Variants in ATRNL1 observed in about 807,000 individuals in gnomAD.
ATRNL1 encodes attractin like 1.
ATRNL1 carries 95 observed loss-of-function variants against 182.7 expected under a neutral mutation model. The ratio of observed to expected loss-of-function variants is 0.52; its 90% CI spans 0.44 to 0.62. The LOEUF is 0.62. Ranked by LOEUF, ATRNL1 falls within the 20% of genes least tolerant of loss-of-function variation. ATRNL1 has a pLI of 0.00. For synonymous variants in ATRNL1, 576 were observed against 568.3 expected (o/e 1.01, Z -0.19); for missense variants, 1,471 against 1,679.5 (o/e 0.88, Z 2.17).
chr10:115,799,228 C>T (rs961968534), intron 27 of ATRNL1, among the ~76,000 whole-genome samples: 5 of 152,100 alleles, frequency 3.3e-5, no homozygotes, highest in Middle Eastern at 3.2e-3. Context: ...TTGAATTTAA[C>T]GTTATTAATG....
intron 5 of ATRNL1, among the ~76,000 whole-genome samples, chr10:115,141,726 C>T (rs1554878122): frequency 1.3e-5 from 2 of 152,058 alleles, no homozygotes; most frequent in Non-Finnish European, 2.9e-5. Context: ...TGAACACGGT[C>T]AATCTATTTC....
At chr10:115,678,122 A>G (rs140855658) in intron 26 of ATRNL1, among the ~76,000 whole-genome samples, 45 of 152,286 alleles carry the variant, frequency 3.0e-4, no homozygotes, top group Admixed American at 2.8e-3. Flanking sequence ...GCTGATTTAT[A>G]TAACAGTAAA....
intron 13 of ATRNL1, among the ~76,000 whole-genome samples, chr10:115,271,458 G>A (rs912736862): frequency 2.7e-5 from 4 of 149,106 alleles, no homozygotes; most frequent in South Asian, 4.4e-4. Context: ...GACAGGCCCC[G>A]GCAATTCCTC....
intron 26 of ATRNL1, among the ~76,000 whole-genome samples, chr10:115,662,639 T>C (rs1860765772): frequency 6.6e-6 from 1 of 152,196 alleles, no homozygotes; most frequent in Admixed American, 6.6e-5. Flanking sequence ...CAATAACATC[T>C]GATTTATGAA....
chr10:115,192,677 G>A (rs1457152426), intron 8 of ATRNL1, among the ~76,000 whole-genome samples: 1 of 150,786 alleles, frequency 6.6e-6, no homozygotes, highest in African/African-American at 2.5e-5. Context: ...AGAACCTTTG[G>A]GTAGTTTGGA....
chr10:115,418,318 G>A (rs1165005948), intron 20 of ATRNL1, among the ~76,000 whole-genome samples: 7 of 152,080 alleles, frequency 4.6e-5, no homozygotes, highest in Non-Finnish European at 1.0e-4. Flanking sequence ...AAATAAAAAT[G>A]GAATAGAGAG....
intron 20 of ATRNL1, among the ~76,000 whole-genome samples, chr10:115,416,280 C>T (rs557309247): frequency 1.3e-5 from 2 of 152,114 alleles, no homozygotes; most frequent in South Asian, 2.1e-4. Flanking sequence ...GTATTTATTT[C>T]ATTAGCTTTT....
intron 26 of ATRNL1, among the ~76,000 whole-genome samples, chr10:115,640,617 T>C (rs1859177982): frequency 6.6e-6 from 1 of 152,200 alleles, no homozygotes; most frequent in Admixed American, 6.5e-5. Flanking sequence ...CACTTTTTGA[T>C]GGGGTTGTAT....
At chr10:115,642,138 G>A (rs1034128164) in intron 26 of ATRNL1, among the ~76,000 whole-genome samples, 2 of 152,014 alleles carry the variant, frequency 1.3e-5, no homozygotes, top group Non-Finnish European at 2.9e-5. Context: ...CAGACTCAAT[G>A]GTGTTAGCAA....
At chr10:115,696,996 C>G (rs1555050065) in intron 26 of ATRNL1, among the ~76,000 whole-genome samples, 1 of 151,940 alleles carries the variant, frequency 6.6e-6, no homozygotes, top group Non-Finnish European at 1.5e-5. Context: ...AAATCCACCC[C>G]CATGATCCAA....
chr10:115,302,334 A>C (rs930802753), intron 17 of ATRNL1, among the ~76,000 whole-genome samples: 4 of 152,174 alleles, frequency 2.6e-5, no homozygotes, highest in African/African-American at 7.2e-5. Context: ...GAGAGTGTTC[A>C]CCTCAAACAT....
At chr10:115,541,427 A>G (rs1366705890) in intron 25 of ATRNL1, among the ~76,000 whole-genome samples, 1 of 152,214 alleles carries the variant, frequency 6.6e-6, no homozygotes, top group African/African-American at 2.4e-5. Context: ...GAGAGGATGC[A>G]GAACTATTCA....
At chr10:115,118,749 A>G (rs2143605238) in intron 1 of ATRNL1, among the ~76,000 whole-genome samples, 1 of 152,270 alleles carries the variant, frequency 6.6e-6, no homozygotes. Context: ...GAACAAAAGC[A>G]TCTCTGAATG....
chr10:115,604,550 C>T (rs1856775884), intron 26 of ATRNL1, among the ~76,000 whole-genome samples: 1 of 152,104 alleles, frequency 6.6e-6, no homozygotes, highest in South Asian at 2.1e-4. Flanking sequence ...ATATTTAGAG[C>T]TCTTTTTCAG....
At chr10:115,367,741 A>G (rs1405959948) in intron 19 of ATRNL1, among the ~76,000 whole-genome samples, 5 of 123,768 alleles carry the variant, frequency 4.0e-5, no homozygotes, top group African/African-American at 1.3e-4. Flanking sequence ...TCTAACAGAC[A>G]GGACCCTCAG....
chr10:115,326,190 G>T (rs1421572078), intron 18 of ATRNL1, among the ~76,000 whole-genome samples: 4 of 152,108 alleles, frequency 2.6e-5, no homozygotes, highest in African/African-American at 9.7e-5. Context: ...AAACCCTATT[G>T]TCTCAGCCCA....
At chr10:115,828,087 G>A (rs1274225309) in intron 27 of ATRNL1, among the ~76,000 whole-genome samples, 1 of 152,184 alleles carries the variant, frequency 6.6e-6, no homozygotes, top group South Asian at 2.1e-4. Context: ...GGAGACCGAG[G>A]TGGGCGGATC....
In ATRNL1 at chr10:115,519,302, C is replaced by T. The variant is rs183433184; in HGVS notation, c.3694C>T (p.Gln1232Ter). The T allele has an allele frequency of 6.2e-7, 1 of 1,610,470 alleles. No homozygotes were observed. The highest frequency in any genetic ancestry group is 1.3e-5 in the African/African-American group (1 of 74,792). The change falls in exon 25 of 29, where the codon CAG (glutamine) becomes TAG (stop). Residue 1232 changes from glutamine to a stop codon, truncating the protein, a stop_gained. Transcript: ENST00000355044. LOFTEE classifies it high-confidence loss of function. ...ACACAATACAATCATGGACCTTGTG[C>T]AGTTTTTTGTCACCTTCTTCAGGTA... ...SQHNTIMDLV[Q>*]FFVTFFSCFL...
chr10:115,221,654 G>A (rs1249731253), intron 9 of ATRNL1, among the ~76,000 whole-genome samples: 3 of 152,144 alleles, frequency 2.0e-5, no homozygotes, highest in African/African-American at 7.2e-5. Flanking sequence ...AACCTCCTGA[G>A]ACACTGAGCA....
Sources: allele counts gnomAD v4.1 joint callset (sites outside exome capture counted in the v4.1 genomes callset), GRCh38; gene constraint gnomAD v4.1.1; transcripts MANE v1.5; gene names NCBI Gene and HGNC (gene_info 2026-07-23, HGNC 2026-07-21).